The following MYOM2 variants were observed in gnomAD, a reference collection of about 807,000 sequenced individuals.
MYOM2 encodes myomesin-2.
MYOM2 carries 254 observed loss-of-function variants against 187.6 expected under a neutral mutation model. The observed-to-expected ratio is 1.35, with a 90% confidence interval of 1.22 to 1.50. The LOEUF (loss-of-function observed/expected upper bound fraction) is 1.50. Among genes scored for constraint, MYOM2 ranks in the 40% most tolerant of loss-of-function variants. The pLI is 0.00. For synonymous variants in MYOM2, 981 were observed against 753.8 expected (o/e 1.30, Z -4.94); for missense variants, 2,796 against 1,924.0 (o/e 1.45, Z -8.48).
In MYOM2 at chr8:2,098,870, CG is replaced by C; in HGVS notation, c.2329del (p.Glu777LysfsTer43). 6.2e-7 allele frequency: 1 copy of C among 1,612,024 alleles called. No individual in the cohort carries two copies. The highest frequency in any genetic ancestry group is 8.5e-7 in the Non-Finnish European group (1 of 1,178,770). On this transcript the variant is annotated frameshift_variant, in exon 19 of 37. Coordinates refer to ENST00000262113, the MANE Select transcript of MYOM2 (RefSeq NM_003970.4). LOFTEE classifies it high-confidence loss of function. ...AAATCTGAATAGGTGGACGGCTTGA[CG>C]GAAGGCTCACTCTACGAGTTCAAAA... ...KPTILTVDGL[T>X]EGSLYEFKIA... is the part of the protein sequence containing the mutation.
At chr8:2,093,860 A>G (rs1031686024) in intron 16 of MYOM2, 110 bp from the exon 17 acceptor site, 5 of 1,271,642 alleles carry the variant, frequency 3.9e-6, no homozygotes, top group African/African-American at 3.0e-5. Context: ...TGAAGGATGT[A>G]TGTTATCCAT....
At chr8:2,083,218 T>C (rs1212610117) in intron 13 of MYOM2, among the ~76,000 whole-genome samples, 1 of 152,248 alleles carries the variant, frequency 6.6e-6, no homozygotes, top group Non-Finnish European at 1.5e-5. Flanking sequence ...TAGTATTGAC[T>C]TGGCCCAATA....
Position 2,123,108 on chromosome 8 carries a change from C to A in MYOM2, c.3454-144C>A, listed in dbSNP as rs1422198765. 1.4e-5 allele frequency: 7 copies of A among 510,098 alleles called. No individual in the cohort carries two copies. The East Asian group carries it at 1.9e-4, about 14-fold the overall frequency. The allele number at this position is 510,098 out of a possible 1,614,324, so 31.6% of individuals were successfully genotyped here. On this transcript the variant is annotated intron_variant, in intron 28 of 36. Coordinates refer to ENST00000262113, the MANE Select transcript of MYOM2 (RefSeq NM_003970.4). ...GACGTTATTGGGAGCGACAGCTTTT[C>A]CATAAGCCTTCGTCTGAGACTGTCT...
At chr8:2,100,089 C>CTTCCTTCCTTCCTTCT (rs1796640092) in intron 19 of MYOM2, among the ~76,000 whole-genome samples, 2 of 56,602 alleles carry the variant, frequency 3.5e-5, no homozygotes, top group East Asian at 1.1e-3. Context: ...TTCTTCTTTC[C>CTTCCTTCCTTCCTTCT]TTCCTTCCTT....
In MYOM2 at chr8:2,092,510, G is replaced by A. The variant is rs61732775; in HGVS notation, c.1993G>A (p.Gly665Arg). Residue 665 changes from glycine (G) to arginine (R), a missense_variant, in exon 16 of 37, where the codon GGA (glycine) becomes AGA (arginine). Transcript: ENST00000262113. ...GGAGCCCTGCAACCACAAGCCCATC[G>A]GATACAACAGGTGCGGCCTCCCTCC... ...LWEPCNHKPIGYNRFVVHGLT... is the reference protein window; with the variant it reads ...LWEPCNHKPIRYNRFVVHGLT... 1.4e-3 allele frequency: 2,260 copies of A among 1,613,932 alleles called. 33 individuals carry two copies. In the African/African-American group the frequency reaches 0.026, roughly 19 times the overall value.
intron 6 of MYOM2, among the ~76,000 whole-genome samples, chr8:2,061,786 C>G (rs1286084457): frequency 4.6e-5 from 7 of 152,212 alleles, no homozygotes; most frequent in Admixed American, 4.6e-4. Flanking sequence ...CCGGGTTTCT[C>G]TAGGAAAGCT....
chr8:2,047,599 A>G (rs901603633), intron 1 of MYOM2, among the ~76,000 whole-genome samples: 1 of 152,184 alleles, frequency 6.6e-6, no homozygotes, highest in African/African-American at 2.4e-5. Flanking sequence ...ATACTTGTGG[A>G]ATCAACTGAG....
At chr8:2,068,859 A>C (rs2129333218) in intron 6 of MYOM2, among the ~76,000 whole-genome samples, 1 of 152,334 alleles carries the variant, frequency 6.6e-6, no homozygotes. Context: ...CGGCTCTCCC[A>C]GGCAGGCTCT....
intron 2 of MYOM2, 61 bp from the exon 3 acceptor site, chr8:2,052,097 A>G: frequency 1.3e-6 from 2 of 1,599,946 alleles, no homozygotes; most frequent in South Asian, 1.1e-5. Context: ...GATGTGTGTC[A>G]GGATAAATTT....
At chr8:2,113,139 G>A (rs1260046454) in intron 25 of MYOM2, among the ~76,000 whole-genome samples, 1 of 152,234 alleles carries the variant, frequency 6.6e-6, no homozygotes, top group Non-Finnish European at 1.5e-5. Flanking sequence ...AGGAAGCCGA[G>A]GCCGGGCATC....
intron 31 of MYOM2, among the ~76,000 whole-genome samples, chr8:2,128,564 G>A (rs1053834086): frequency 2.0e-5 from 3 of 152,112 alleles, no homozygotes; most frequent in African/African-American, 4.8e-5. Context: ...TACCTCAAGC[G>A]AATTAGTCTT....
At chr8:2,062,150 G>T (rs1585834772) in intron 6 of MYOM2, among the ~76,000 whole-genome samples, 1 of 152,238 alleles carries the variant, frequency 6.6e-6, no homozygotes, top group Non-Finnish European at 1.5e-5. Flanking sequence ...CTGGGGGGTT[G>T]GCAGGGGACA....
In MYOM2 at chr8:2,085,427, C is replaced by T. The variant is rs1285831279; in HGVS notation, c.1644+37C>T. ...GCCCGTGTCCTGGAAAAGTAGATCT[C>T]TGCATGGCCCCCCACTGTCATGATC... On this transcript the variant is annotated intron_variant, in intron 14 of 36. Transcript: ENST00000262113. The T allele has an allele frequency of 5.0e-6, 8 of 1,606,356 alleles. 1 individual carries two copies. Among genetic ancestry groups the T allele is most frequent in the Non-Finnish European group, 6.8e-6 (8 of 1,176,468 alleles).
At position 2,069,329 on chromosome 8, in the gene MYOM2, C is replaced by G. The variant is rs761817959; in HGVS notation, c.705C>G (p.His235Gln). 2 of 1,613,926 alleles carry G rather than the reference C, an allele frequency of 1.2e-6. No homozygotes were observed. Among genetic ancestry groups the G allele is most frequent in the Middle Eastern group, 1.7e-4 (1 of 5,890 alleles). Residue 235 changes from histidine (H) to glutamine (Q), a missense_variant, in exon 7 of 37, where the codon CAC becomes CAG. Transcript: ENST00000262113. ...ACTCAGCAGTGGCCACCAATGCCCA[C>G]GGACAAGTGTCCACCAACGCGGCGG... is the stretch of plus-strand genomic sequence containing the variant. ...ATYSAVATNA[H>Q]GQVSTNAAVV...
intron 14 of MYOM2, among the ~76,000 whole-genome samples, chr8:2,088,034 C>CT (rs960529482): frequency 1.5e-4 from 22 of 149,462 alleles, no homozygotes; most frequent in Admixed American, 3.3e-4. Flanking sequence ...GGCAGGCACA[C>CT]TTTTTTTTTT....
chr8:2,083,476 G>A (rs1186690810), intron 13 of MYOM2, among the ~76,000 whole-genome samples: 3 of 151,844 alleles, frequency 2.0e-5, no homozygotes, highest in Non-Finnish European at 1.5e-5. Flanking sequence ...GCACCATCTC[G>A]CATATGTCTA....
intron 31 of MYOM2, among the ~76,000 whole-genome samples, chr8:2,125,851 GC>G (rs1423870435): frequency 6.6e-6 from 1 of 151,296 alleles, no homozygotes; most frequent in Non-Finnish European, 1.5e-5. Context: ...ATTGTGATCC[GC>G]CCGCCCGCCC....
intron 3 of MYOM2, among the ~76,000 whole-genome samples, chr8:2,056,897 T>C (rs1455023787): frequency 1.3e-5 from 2 of 152,236 alleles, no homozygotes; most frequent in Admixed American, 6.5e-5. Context: ...ACTGAGCACC[T>C]GCTGCATGTG....
chr8:2,095,372 G>A (rs1290553257), intron 17 of MYOM2, among the ~76,000 whole-genome samples: 2 of 150,674 alleles, frequency 1.3e-5, no homozygotes, highest in Non-Finnish European at 2.9e-5. Context: ...GCTCCCTGCA[G>A]CCTTGAGCTT....
Sources: allele counts gnomAD v4.1 joint callset (sites outside exome capture counted in the v4.1 genomes callset), GRCh38; gene constraint gnomAD v4.1.1; transcripts MANE v1.5; gene names NCBI Gene and HGNC (gene_info 2026-07-23, HGNC 2026-07-21).